SORCS2: variants seen among roughly 807,000 people sequenced by gnomAD.
SORCS2 encodes VPS10 domain-containing receptor SorCS2.
SORCS2 carries 100 observed loss-of-function variants against 141.6 expected under a neutral mutation model. The ratio of observed to expected loss-of-function variants is 0.71; its 90% confidence interval spans 0.60 to 0.83. The LOEUF (loss-of-function observed/expected upper bound fraction) is 0.83, where lower values mean the gene tolerates loss of function less well. Among genes scored for constraint, SORCS2 ranks in the 40% least tolerant of loss-of-function variants. The pLI is 0.00. For missense variants in SORCS2, 1,646 were observed against 1,560.2 expected (o/e 1.05, Z -0.93); for synonymous variants, 789 against 676.9 (o/e 1.17, Z -2.57).
intron 3 of SORCS2, among the ~76,000 whole-genome samples, chr4:7,630,766 G>A (rs1047737355): frequency 2.6e-5 from 4 of 152,146 alleles, no homozygotes; most frequent in Admixed American, 6.5e-5. Context: ...GTGTTTGTTC[G>A]CCTCCGCTGT....
At chr4:7,451,513 C>G (rs1307742936) in intron 2 of SORCS2, among the ~76,000 whole-genome samples, 1 of 152,282 alleles carries the variant, frequency 6.6e-6, no homozygotes, top group Non-Finnish European at 1.5e-5. Context: ...TGTCCCTACT[C>G]CTGAAGAGTG....
intron 5 of SORCS2, among the ~76,000 whole-genome samples, chr4:7,654,913 C>A (rs1721662937): frequency 6.6e-6 from 1 of 152,166 alleles, no homozygotes; most frequent in Non-Finnish European, 1.5e-5. Flanking sequence ...AGTGCATCCT[C>A]AGGGGAGCCT....
intron 1 of SORCS2, among the ~76,000 whole-genome samples, chr4:7,373,478 ATTTTT>A (rs71173496): frequency 3.0e-4 from 11 of 36,810 alleles, no homozygotes; most frequent in African/African-American, 1.4e-3. Flanking sequence ...ATATATATAT[ATTTTT>A]TTTTTTTTTT....
At chr4:7,629,813 C>T (rs1274045165) in intron 3 of SORCS2, among the ~76,000 whole-genome samples, 1 of 152,090 alleles carries the variant, frequency 6.6e-6, no homozygotes, top group Non-Finnish European at 1.5e-5. Context: ...CTCAAACTGA[C>T]CTCAGCTTCA....
At chr4:7,469,567 T>C (rs1729845194) in intron 2 of SORCS2, among the ~76,000 whole-genome samples, 1 of 152,220 alleles carries the variant, frequency 6.6e-6, no homozygotes, top group South Asian at 2.1e-4. Flanking sequence ...CCTGAGTCTG[T>C]AGCTTCCTTC....
intron 1 of SORCS2, among the ~76,000 whole-genome samples, chr4:7,289,484 T>C (rs1157528227): frequency 6.6e-6 from 1 of 152,162 alleles, no homozygotes; most frequent in African/African-American, 2.4e-5. Flanking sequence ...TATCTGCTGA[T>C]AGGATACAGG....
In SORCS2 at chr4:7,725,144, G is replaced by GTCC. The variant is rs1172236871; in HGVS notation, c.2612-9_2612-7dup. The GTCC allele has an allele frequency of 6.2e-7, 1 of 1,610,476 alleles. No homozygotes were observed. Among genetic ancestry groups the GTCC allele is most frequent in the African/African-American group, 1.3e-5 (1 of 74,698 alleles). Reference sequence around the variant, plus strand: ...TATCATCTAACCCTGGCCTTTTTGGGTCCCCACAGCCCCCCTGCAGGCCCT... The same window carrying GTCC: ...TATCATCTAACCCTGGCCTTTTTGGGTCCTCCCCACAGCCCCCCTGCAGGCCCT... On this transcript the variant is annotated splice_polypyrimidine_tract_variant and intron_variant, in intron 19 of 26. Coordinates refer to ENST00000507866, the MANE Select transcript of SORCS2 (RefSeq NM_020777.3).
chr4:7,638,919 A>T (rs1484604250), intron 4 of SORCS2, among the ~76,000 whole-genome samples: 1 of 152,156 alleles, frequency 6.6e-6, no homozygotes, highest in Non-Finnish European at 1.5e-5. Context: ...CCTCGCCAAG[A>T]GCGGTGGCTT....
At chr4:7,380,702 C>T (rs1722932290) in intron 1 of SORCS2, among the ~76,000 whole-genome samples, 1 of 152,218 alleles carries the variant, frequency 6.6e-6, no homozygotes, top group Non-Finnish European at 1.5e-5. Flanking sequence ...CAAGCTATTG[C>T]TGTTTATTTT....
At chr4:7,473,871 C>T (rs1336091844) in intron 2 of SORCS2, among the ~76,000 whole-genome samples, 2 of 152,184 alleles carry the variant, frequency 1.3e-5, no homozygotes, top group East Asian at 1.9e-4. Context: ...AGGGGTTCCC[C>T]ATGCCCACTT....
Position 7,380,577 on chromosome 4 carries a change from C to T in SORCS2, c.481-15711C>T, listed in dbSNP as rs117921351. Among the ~76,000 whole-genome samples, 16 of 152,310 alleles carry T rather than the reference C, an allele frequency of 1.1e-4. No individual in the cohort carries two copies. The East Asian group carries it at 2.9e-3, about 28-fold the overall frequency. On this transcript the variant is annotated intron_variant, in intron 1 of 26. Transcript: ENST00000507866. The stretch of plus-strand genomic sequence containing the variant: ...ATGGCTTTAAAGCCCAGGGCAAGGA[C>T]GTCAATGTGGTTTCCGTCATCCTCT...
At chr4:7,523,583 T>C (rs1276199997) in intron 2 of SORCS2, among the ~76,000 whole-genome samples, 1 of 151,714 alleles carries the variant, frequency 6.6e-6, no homozygotes, top group Admixed American at 6.6e-5. Context: ...TGATATGGGG[T>C]GGTGGCAGCA....
At chr4:7,645,475 G>A (rs1304020035) in intron 4 of SORCS2, among the ~76,000 whole-genome samples, 2 of 151,918 alleles carry the variant, frequency 1.3e-5, no homozygotes, top group Non-Finnish European at 2.9e-5. Context: ...GCATGTATGT[G>A]TGTACATGTG....
intron 1 of SORCS2, among the ~76,000 whole-genome samples, chr4:7,365,902 C>T (rs1721853263): frequency 6.6e-6 from 1 of 152,246 alleles, no homozygotes; most frequent in Non-Finnish European, 1.5e-5. Flanking sequence ...GTGTCATTGC[C>T]AGGACTGGGC....
chr4:7,556,411 G>C (rs1714109711), intron 3 of SORCS2, among the ~76,000 whole-genome samples: 1 of 152,118 alleles, frequency 6.6e-6, no homozygotes, highest in Admixed American at 6.5e-5. Context: ...AGCCTCTGTG[G>C]CTGTAACCTG....
chr4:7,532,948 G>A (rs554764225), intron 3 of SORCS2, among the ~76,000 whole-genome samples: 20 of 152,100 alleles, frequency 1.3e-4, no homozygotes, highest in Non-Finnish European at 2.1e-4. Flanking sequence ...CACGAGAGGC[G>A]CCTGCTGGAA....
intron 1 of SORCS2, among the ~76,000 whole-genome samples, chr4:7,235,692 C>T (rs1712219049): frequency 6.6e-6 from 1 of 152,148 alleles, no homozygotes; most frequent in African/African-American, 2.4e-5. Flanking sequence ...AGAGGCCAGG[C>T]CTTGATTGTC....
chr4:7,373,000 G>A (rs1357526294), intron 1 of SORCS2, among the ~76,000 whole-genome samples: 2 of 114,298 alleles, frequency 1.7e-5, no homozygotes, highest in Non-Finnish European at 3.9e-5. Flanking sequence ...CATCTTGGTG[G>A]TTTCTGTTTT....
chr4:7,305,148 C>G (rs1717705693), intron 1 of SORCS2, among the ~76,000 whole-genome samples: 1 of 152,000 alleles, frequency 6.6e-6, no homozygotes, highest in Non-Finnish European at 1.5e-5. Flanking sequence ...TCTCCTGCCT[C>G]AGCCTCCCGA....
Sources: allele counts gnomAD v4.1 joint callset (sites outside exome capture counted in the v4.1 genomes callset), GRCh38; gene constraint gnomAD v4.1.1; transcripts MANE v1.5; gene names NCBI Gene and HGNC (gene_info 2026-07-23, HGNC 2026-07-21).